ZMAT4: variants seen among roughly 807,000 people sequenced by gnomAD.
The protein encoded by ZMAT4 is zinc finger matrin-type protein 4.
Under a neutral mutation model 28.7 loss-of-function variants are expected in ZMAT4, and 17 were observed. The ratio of observed to expected loss-of-function variants is 0.59; its 90% CI spans 0.41 to 0.89. The LOEUF (loss-of-function observed/expected upper bound fraction) is 0.89, where lower values mean the gene tolerates loss of function less well. Ranked by LOEUF, ZMAT4 falls within the 40% of genes least tolerant of loss-of-function variation. The pLI is 0.00. For synonymous variants in ZMAT4, 117 were observed against 109.2 expected, an observed-to-expected ratio of 1.07 and a Z score of -0.44; for missense variants, 240 against 283.8, an observed-to-expected ratio of 0.85 and a Z score of 1.11.
chr8:40,645,130 T>C (rs114819310), intron 5 of ZMAT4, among the ~76,000 whole-genome samples: 1,542 of 152,278 alleles, frequency 0.01, 29 homozygotes, highest in African/African-American at 0.034. Flanking sequence ...TTAATAATAA[T>C]GTAAAATATT....
At chr8:40,693,576 A>T (rs1301678142) in intron 4 of ZMAT4, among the ~76,000 whole-genome samples, 1 of 152,200 alleles carries the variant, frequency 6.6e-6, no homozygotes, top group Non-Finnish European at 1.5e-5. Flanking sequence ...CCTCAAGATC[A>T]TCCAGTCTCT....
intron 2 of ZMAT4, among the ~76,000 whole-genome samples, chr8:40,814,480 T>C (rs1299223156): frequency 1.3e-5 from 2 of 152,238 alleles, no homozygotes; most frequent in African/African-American, 2.4e-5. Context: ...GCAACTGATA[T>C]GTGCATCACT....
chr8:40,601,468 G>GAAAGAAAAAAGAAA lies in ZMAT4; in HGVS notation c.578-20208_578-20207insTTTCTTTTTTCTTT, dbSNP rs1563359930. Among the ~76,000 whole-genome samples the GAAAGAAAAAAGAAA allele has an allele frequency of 2.8e-3, 55 of 19,996 alleles. 1 individual carries two copies. Among genetic ancestry groups the GAAAGAAAAAAGAAA allele is most frequent in the East Asian group, 0.026 (21 of 822 alleles). 13.1% of individuals were successfully genotyped at this position (19,996 alleles called of 152,430 possible). ...AGGAAGGAAGGAAGGGAGGAAGAAA[G>GAAAGAAAAAAGAAA]GAAAGAAAGAAAGAAAGAAAGAAAG... On this transcript the variant is annotated intron_variant, in intron 5 of 6. Transcript: ENST00000297737.
Position 40,531,659 on chromosome 8 carries a change from T to C in ZMAT4, c.*564A>G, listed in dbSNP as rs1473672221. The C allele has an allele frequency of 6.6e-6, 1 of 152,624 alleles. No individual in the cohort carries two copies. Among genetic ancestry groups the C allele is most frequent in the Admixed American group, 6.5e-5 (1 of 15,280 alleles). The allele number at this position is 152,624 out of a possible 1,614,324, so 9.5% of individuals were successfully genotyped here. Reference sequence around the variant, plus strand: ...CTTTATTTACTCCCTTCGTCTTCATTGTTCAGATGGTAAACCTGGCTCCTG... The same window carrying C: ...CTTTATTTACTCCCTTCGTCTTCATCGTTCAGATGGTAAACCTGGCTCCTG... On this transcript the variant is annotated 3_prime_UTR_variant, in exon 7 of 7. Transcript: ENST00000297737.
rs144893470 is a variant in ZMAT4, at chr8:40,661,319, T to C, written c.577+13385A>G. Among the ~76,000 whole-genome samples, 1,097 of 152,328 alleles carry C rather than the reference T, an allele frequency of 7.2e-3. 15 individuals are homozygous for C. Among genetic ancestry groups the C allele is most frequent in the African/African-American group, 0.025 (1,046 of 41,580 alleles). On this transcript the variant is annotated intron_variant, in intron 5 of 6. Coordinates refer to ENST00000297737, the MANE Select transcript of ZMAT4 (RefSeq NM_024645.3). ...TTCACCATGTTGGCCAGGCTGGTCT[T>C]GAACTCTTGACCCCAGGCAATCCAC...
At chr8:40,764,538 A>G (rs1302810304) in intron 3 of ZMAT4, among the ~76,000 whole-genome samples, 1 of 146,570 alleles carries the variant, frequency 6.8e-6, no homozygotes, top group East Asian at 2.7e-4. Context: ...TCAGGAACAC[A>G]TTTTCTCTGT....
intron 5 of ZMAT4, among the ~76,000 whole-genome samples, chr8:40,610,382 A>G (rs1805752997): frequency 6.6e-6 from 1 of 152,238 alleles, no homozygotes; most frequent in Non-Finnish European, 1.5e-5. Context: ...ACACAATATT[A>G]CAAAGCAAAT....
intron 6 of ZMAT4, among the ~76,000 whole-genome samples, chr8:40,564,496 T>C (rs1803850751): frequency 6.6e-6 from 1 of 152,222 alleles, no homozygotes; most frequent in Non-Finnish European, 1.5e-5. Flanking sequence ...CACATCTCAC[T>C]GTGCAATTAT....
chr8:40,800,122 G>A (rs774193437), intron 2 of ZMAT4, among the ~76,000 whole-genome samples: 1 of 152,112 alleles, frequency 6.6e-6, no homozygotes, highest in Non-Finnish European at 1.5e-5. Flanking sequence ...TGGACCACAC[G>A]CCCAAGAAAA....
chr8:40,826,213 T>A (rs139649251), intron 1 of ZMAT4, among the ~76,000 whole-genome samples: 1 of 152,354 alleles, frequency 6.6e-6, no homozygotes, highest in East Asian at 1.9e-4. Context: ...GTGGGTTAAA[T>A]GAACTTTGAT....
chr8:40,719,041 C>T (rs995344193), intron 3 of ZMAT4, among the ~76,000 whole-genome samples: 1 of 152,128 alleles, frequency 6.6e-6, no homozygotes. Flanking sequence ...CAGATGAGAA[C>T]CGGATGGGGC....
Position 40,848,528 on chromosome 8 carries a change from A to G in ZMAT4, c.-4-22848T>C, listed in dbSNP as rs866667984. Among the ~76,000 whole-genome samples, 9 of 152,368 alleles carry G rather than the reference A, an allele frequency of 5.9e-5. No homozygotes were observed. In the South Asian group the frequency reaches 1.9e-3, roughly 32 times the overall value. On this transcript the variant is annotated intron_variant, in intron 1 of 6. Transcript: ENST00000297737. ...TACATGATTGAGGAGGAAAAAGCAC[A>G]GGCTCTGGGGACACAGGCAGCAAGC...
chr8:40,609,727 T>C (rs769257146), intron 5 of ZMAT4, among the ~76,000 whole-genome samples: 11 of 152,192 alleles, frequency 7.2e-5, no homozygotes, highest in Non-Finnish European at 1.3e-4. Flanking sequence ...GATTTCTTGA[T>C]GGAAAACTGA....
chr8:40,863,050 A>G (rs1293485443), intron 1 of ZMAT4, among the ~76,000 whole-genome samples: 1 of 152,178 alleles, frequency 6.6e-6, no homozygotes, highest in East Asian at 1.9e-4. Flanking sequence ...CAGCCAGTGC[A>G]AAGAAAAATC....
At chr8:40,623,574 G>A (rs1379221172) in intron 5 of ZMAT4, among the ~76,000 whole-genome samples, 1 of 152,142 alleles carries the variant, frequency 6.6e-6, no homozygotes, top group Non-Finnish European at 1.5e-5. Flanking sequence ...AAGAAGTGGT[G>A]ATCTCTAGCC....
At chr8:40,535,408 C>T (rs192985734) in intron 6 of ZMAT4, among the ~76,000 whole-genome samples, 151 of 152,242 alleles carry the variant, frequency 9.9e-4, no homozygotes, top group African/African-American at 3.3e-3. Flanking sequence ...TGGTGGCTCA[C>T]GCCTGTAATC....
intron 3 of ZMAT4, among the ~76,000 whole-genome samples, chr8:40,763,147 T>C (rs559277013): frequency 6.6e-6 from 1 of 152,302 alleles, no homozygotes; most frequent in Admixed American, 6.5e-5. Context: ...GCACTTATCA[T>C]GCTGCATTGA....
chr8:40,748,631 A>G (rs1272401238), intron 3 of ZMAT4, among the ~76,000 whole-genome samples: 1 of 152,126 alleles, frequency 6.6e-6, no homozygotes. Context: ...TGCCAACACC[A>G]TATTTTTTTA....
chr8:40,896,872 G>A (rs1224992639), intron 1 of ZMAT4, among the ~76,000 whole-genome samples: 3 of 152,100 alleles, frequency 2.0e-5, no homozygotes, highest in Non-Finnish European at 4.4e-5. Context: ...CCACCTCCCA[G>A]AGCTGCGGGG....
Sources: gnomAD v4.1 joint callset for allele counts (sites outside exome capture counted in the v4.1 genomes callset) on GRCh38, gnomAD v4.1.1 for gene constraint, MANE v1.5 for transcripts, NCBI Gene and HGNC (gene_info 2026-07-23, HGNC 2026-07-21) for gene names.